TNK2: variants seen among roughly 807,000 people sequenced by gnomAD.
TNK2 encodes activated CDC42 kinase 1.
Under a neutral mutation model 101.8 loss-of-function variants are expected in TNK2, and 83 were observed. The ratio of observed to expected loss-of-function variants is 0.82; its 90% CI spans 0.68 to 0.98. TNK2 has a LOEUF of 0.98. TNK2 is among the 50% of genes least tolerant of loss of function. The pLI, the probability that TNK2 is intolerant of heterozygous loss-of-function variation, is 0.00. For synonymous variants in TNK2, 804 were observed against 633.0 expected (o/e 1.27, Z -4.06); for missense variants, 1,665 against 1,483.2 (o/e 1.12, Z -2.01).
chr3:195,880,665 T>A (rs1484269959), intron 6 of TNK2, among the ~76,000 whole-genome samples: 4 of 87,882 alleles, frequency 4.6e-5, no homozygotes, highest in Non-Finnish European at 4.3e-5. Context: ...TATCCCTGTA[T>A]CACCTAACTC....
rs146748807 is a variant in TNK2, at chr3:195,871,810, G to A, written c.1451+466C>T. Among the ~76,000 whole-genome samples, 36 of 152,338 alleles carry A rather than the reference G, an allele frequency of 2.4e-4. No individual in the cohort carries two copies. The East Asian group carries it at 6.9e-3, about 29-fold the overall frequency. On this transcript the variant is annotated intron_variant, in intron 10 of 15. Coordinates refer to ENST00000672887, the MANE Select transcript of TNK2 (RefSeq NM_001382273.1). ...ATTTACAGCCTTCCCCTTATTGGGG[G>A]GGTGAACCTGTTTCACAGATGAAGT...
In TNK2 at chr3:195,888,572, C is replaced by A; in HGVS notation, c.17G>T (p.Gly6Val). The A allele has an allele frequency of 6.2e-7, 1 of 1,611,792 alleles. No homozygotes were observed. Among genetic ancestry groups the A allele is most frequent in the African/African-American group, 1.3e-5 (1 of 74,960 alleles). Residue 6 changes from glycine to valine, a missense_variant, in exon 2 of 16, where the codon GGC (glycine) becomes GTC (valine). Around this residue, in one of 3 missense-constraint regions of TNK2, gnomAD observed 490 missense variants for 522.5 expected, o/e 0.94. Coordinates refer to ENST00000672887, the MANE Select transcript of TNK2 (RefSeq NM_001382273.1). The surrounding 1 kb of genome is among the most constrained non-coding windows in gnomAD (Gnocchi z 5.3). MQPEE[G>V]TGWLLELLSE... The stretch of plus-strand genomic sequence containing the variant: ...CAGCAGCTCCAGCAGCCAGCCTGTG[C>A]CCTCCTCTGGCTGCATTCTGCCGCC...
At chr3:195,894,007 T>C (rs1759614264) in intron 1 of TNK2, among the ~76,000 whole-genome samples, 2 of 152,140 alleles carry the variant, frequency 1.3e-5, no homozygotes, top group Admixed American at 6.5e-5. Context: ...CCCACAAAGC[T>C]TGTGGAGATG....
intron 9 of TNK2, among the ~76,000 whole-genome samples, chr3:195,875,484 G>A (rs567617202): frequency 2.6e-5 from 4 of 152,130 alleles, no homozygotes; most frequent in South Asian, 2.1e-4. Context: ...TCGGGATGGC[G>A]CCCACGCACA....
In TNK2 at chr3:195,887,181, A is replaced by G. The variant is rs1247036016; in HGVS notation, c.164-134T>C. On this transcript the variant is annotated intron_variant, in intron 2 of 15. Transcript: ENST00000672887. ...GATGATAGCAATGAAATCAACCCCAACTAACCCGGAGCCTCAACTGACCGA... is the reference window on the plus strand; with the variant it reads ...GATGATAGCAATGAAATCAACCCCAGCTAACCCGGAGCCTCAACTGACCGA... 6.0e-5 allele frequency: 50 copies of G among 828,282 alleles called. 1 individual carries two copies. Among genetic ancestry groups the G allele is most frequent in the Non-Finnish European group, 1.9e-6 (1 of 513,138 alleles). The allele number at this position is 828,282 out of a possible 1,614,324, so 51.3% of individuals were successfully genotyped here.
At chr3:195,869,576 A>G in intron 11 of TNK2, 35 bp from the exon 12 acceptor site, 3 of 1,549,346 alleles carry the variant, frequency 1.9e-6, no homozygotes, top group Non-Finnish European at 8.7e-7. Flanking sequence ...GGGGAGAGAG[A>G]CGGAGCAGGA....
intron 1 of TNK2, among the ~76,000 whole-genome samples, chr3:195,896,576 G>A (rs1760557783): frequency 6.6e-6 from 1 of 152,198 alleles, no homozygotes; most frequent in Non-Finnish European, 1.5e-5. Flanking sequence ...GGAGACTGTA[G>A]AAGGCAAGGC....
chr3:195,881,659 G>A (rs1228813261), intron 6 of TNK2, among the ~76,000 whole-genome samples: 1 of 89,112 alleles, frequency 1.1e-5, no homozygotes, highest in Non-Finnish European at 2.1e-5. Flanking sequence ...AACGCCCTTT[G>A]GAGAGGACAC....
Position 195,880,730 on chromosome 3 carries a change from A to G in TNK2, c.887+1321T>C, listed in dbSNP as rs868828892. On this transcript the variant is annotated intron_variant, in intron 6 of 15. Transcript: ENST00000672887. Reference sequence around the variant, plus strand: ...CTATCCCTGTAACACCCCCCCAGCAATGCCCCTTGGAGAGGACACAGCATC... The same window carrying G: ...CTATCCCTGTAACACCCCCCCAGCAGTGCCCCTTGGAGAGGACACAGCATC... Among the ~76,000 whole-genome samples the G allele has an allele frequency of 7.1e-3, 243 of 34,046 alleles. 2 individuals carry two copies. The highest frequency in any genetic ancestry group is 9.3e-3 in the Non-Finnish European group (185 of 19,998). 22.3% of individuals were successfully genotyped at this position (34,046 alleles called of 152,430 possible).
At position 195,886,889 on chromosome 3, in the gene TNK2, G is replaced by C; in HGVS notation, c.234+88C>G. 7.0e-7 allele frequency: 1 copy of C among 1,434,818 alleles called. No individual in the cohort carries two copies. The highest frequency in any genetic ancestry group is 9.8e-7 in the Non-Finnish European group (1 of 1,017,108). The allele number at this position is 1,434,818 out of a possible 1,614,324, so 88.9% of individuals were successfully genotyped here. On this transcript the variant is annotated intron_variant, in intron 3 of 15. Coordinates refer to ENST00000672887, the MANE Select transcript of TNK2 (RefSeq NM_001382273.1). The surrounding 1 kb of genome is among the most constrained non-coding windows in gnomAD (Gnocchi z 4.2). ...AGAACGGCGAGATTCGACCTGCCGGGGAGCTGGGGAAGGTTCCCAGGACCA... is the reference window on the plus strand; with the variant it reads ...AGAACGGCGAGATTCGACCTGCCGGCGAGCTGGGGAAGGTTCCCAGGACCA...
Position 195,872,490 on chromosome 3 carries a change from C to G in TNK2, c.1257-20G>C, listed in dbSNP as rs369547821. Reference sequence around the variant, plus strand: ...TCGGCCCTGCGCGACAGAGATGGCACGGTGAACGCCAGGCGTGGCGGGGCA... The same window carrying G: ...TCGGCCCTGCGCGACAGAGATGGCAGGGTGAACGCCAGGCGTGGCGGGGCA... On this transcript the variant is annotated intron_variant, in intron 9 of 15. Transcript: ENST00000672887. The G allele has an allele frequency of 4.6e-5, 71 of 1,559,414 alleles. No individual in the cohort carries two copies. The highest frequency in any genetic ancestry group is 3.8e-4 in the Middle Eastern group (2 of 5,288).
chr3:195,892,180 G>A (rs1271867998), intron 1 of TNK2, among the ~76,000 whole-genome samples: 1 of 151,898 alleles, frequency 6.6e-6, no homozygotes, highest in African/African-American at 2.4e-5. Context: ...GCACCTCATG[G>A]AGTCTGCACA....
intron 1 of TNK2, among the ~76,000 whole-genome samples, chr3:195,889,835 C>T (rs1046477878): frequency 6.6e-6 from 1 of 152,200 alleles, no homozygotes; most frequent in Non-Finnish European, 1.5e-5. Flanking sequence ...AGGCTAGCCC[C>T]GGACCCATGC....
chr3:195,884,352 C>G (rs1283609824), intron 4 of TNK2: 1 of 153,700 alleles, frequency 6.5e-6, no homozygotes, highest in African/African-American at 2.4e-5. Flanking sequence ...TTAGTTAAAC[C>G]TGAGCATGGG....
In TNK2 at chr3:195,882,454, C is replaced by T. The variant is rs1560515912; in HGVS notation, c.610-126G>A. 3 of 1,552,012 alleles carry T rather than the reference C, an allele frequency of 1.9e-6. No homozygotes were observed. Among genetic ancestry groups the T allele is most frequent in the Non-Finnish European group, 1.7e-6 (2 of 1,149,528 alleles). On this transcript the variant is annotated intron_variant, in intron 5 of 15. Coordinates refer to ENST00000672887, the MANE Select transcript of TNK2 (RefSeq NM_001382273.1). This position sits in a 1 kb window ranked among gnomAD's most constrained non-coding sequence, Gnocchi z 4.2. Reference sequence around the variant, plus strand: ...GCCAGGCTGCACGCACCTTCCTGGCCTGCTGTCTGGGGACCTCTAGGAGTC... The same window carrying T: ...GCCAGGCTGCACGCACCTTCCTGGCTTGCTGTCTGGGGACCTCTAGGAGTC...
intron 1 of TNK2, chr3:195,894,177 GAC>G (rs1491321801): frequency 5.5e-5 from 8 of 145,214 alleles, no homozygotes; most frequent in Non-Finnish European, 1.1e-4. Flanking sequence ...GAGACCCAGG[GAC>G]CGGGGGCCGG....
At chr3:195,870,003 A>G in intron 11 of TNK2, 111 bp downstream of exon 11, 1 of 833,348 alleles carries the variant, frequency 1.2e-6, no homozygotes, top group Non-Finnish European at 1.8e-6. Flanking sequence ...TGCTGCCCTG[A>G]CCCCACTGTC....
At position 195,886,967 on chromosome 3, in the gene TNK2, C is replaced by T. The variant is rs1755933790; in HGVS notation, c.234+10G>A. On this transcript the variant is annotated intron_variant, in intron 3 of 15. Coordinates refer to ENST00000672887, the MANE Select transcript of TNK2 (RefSeq NM_001382273.1). The surrounding 1 kb of genome is among the most constrained non-coding windows in gnomAD (Gnocchi z 4.2). ...CCCCCTCCCACCTCCTCACCCACCT[C>T]CTCACCCACCTTACTCATCCACGAC... 1 of 1,613,314 alleles carries T rather than the reference C, an allele frequency of 6.2e-7. No individual in the cohort carries two copies. The highest frequency in any genetic ancestry group is 1.7e-5 in the Admixed American group (1 of 60,006).
intron 9 of TNK2, chr3:195,876,701 A>G (rs1352913709): frequency 2.2e-6 from 1 of 451,270 alleles, no homozygotes; most frequent in Admixed American, 2.4e-5. Flanking sequence ...GAGCCCCACC[A>G]GCAGCAGCCA....
Sources: gnomAD v4.1 joint callset for allele counts (sites outside exome capture counted in the v4.1 genomes callset) on GRCh38, gnomAD v4.1.1 for gene constraint, gnomAD v4.1.1 regional missense constraint, Gnocchi (gnomAD v3.1) non-coding constraint, MANE v1.5 for transcripts, NCBI Gene and HGNC (gene_info 2026-07-23, HGNC 2026-07-21) for gene names.